DNMT3B: variants seen among roughly 807,000 people sequenced by gnomAD.
DNMT3B encodes DNA methyltransferase 3 beta.
In DNMT3B, 37 loss-of-function variants were observed where a neutral mutation model predicts 120.2. That is an observed-to-expected ratio of 0.31 (90% CI 0.24 to 0.40). The LOEUF is 0.40. Among genes scored for constraint, DNMT3B ranks in the 10% least tolerant of loss-of-function variants. The pLI is 1.00. For synonymous variants in DNMT3B, 412 were observed against 442.8 expected (o/e 0.93, Z 0.87); for missense variants, 878 against 1,137.3 (o/e 0.77, Z 3.28).
chr20:32,768,270 A>C (rs1373253968), intron 1 of DNMT3B, among the ~76,000 whole-genome samples: 2 of 134,388 alleles, frequency 1.5e-5, no homozygotes, highest in East Asian at 4.8e-4. Context: ...ATCTCGGCTC[A>C]CCACAACCCC....
At chr20:32,800,718 T>C in intron 17 of DNMT3B, 117 bp from the exon 18 acceptor site, 1 of 1,182,670 alleles carries the variant, frequency 8.5e-7, no homozygotes, top group East Asian at 2.3e-5. Context: ...GCCGTCAGCC[T>C]TCCTGGGATT....
chr20:32,762,541 G>T lies in DNMT3B; in HGVS notation c.-165G>T. The T allele has an allele frequency of 3.0e-6, 1 of 338,232 alleles. No homozygotes were observed. Among genetic ancestry groups the T allele is most frequent in the Non-Finnish European group, 6.1e-6 (1 of 164,206 alleles). 21.0% of individuals were successfully genotyped at this position (338,232 alleles called of 1,614,324 possible). A position where few individuals can be genotyped will look rare whatever the true frequency, so the allele number is the denominator to read the frequency against. The stretch of plus-strand genomic sequence containing the variant: ...AGCGGGCGGCAACGCTGCCCGGCCG[G>T]CAGCGCTGGGGTTAAGTGGCCCAAG... On this transcript the variant is annotated 5_prime_UTR_variant, in exon 1 of 23. Coordinates refer to ENST00000328111, the MANE Select transcript of DNMT3B (RefSeq NM_006892.4).
intron 1 of DNMT3B, chr20:32,779,979 G>C: frequency 8.5e-7 from 1 of 1,180,012 alleles, no homozygotes; most frequent in South Asian, 1.3e-5. Flanking sequence ...AGACGGGCCG[G>C]GACAGGCAGG....
intron 1 of DNMT3B, 128 bp from the exon 2 acceptor site, chr20:32,780,190 C>CAAGA: frequency 6.2e-7 from 1 of 1,612,912 alleles, no homozygotes; most frequent in Admixed American, 1.7e-5. Context: ...GGTACTTGGG[C>CAAGA]AAGAGCATCA....
In DNMT3B at chr20:32,774,729, C is replaced by T. The variant is rs940138288; in HGVS notation, c.-6-5589C>T. 5.5e-3 allele frequency among the ~76,000 whole-genome samples: 834 copies of T among 151,124 alleles called. 8 individuals are homozygous for T. The highest frequency in any genetic ancestry group is 0.019 in the African/African-American group (788 of 41,158). The stretch of plus-strand genomic sequence containing the variant: ...TGTCTTGTCTTGTCTTTTTTCTTTT[C>T]TATTTTGAGATGGAGTCTCCCCCTT... On this transcript the variant is annotated intron_variant, in intron 1 of 22. Coordinates refer to ENST00000328111, the MANE Select transcript of DNMT3B (RefSeq NM_006892.4).
intron 10 of DNMT3B, among the ~76,000 whole-genome samples, chr20:32,793,945 T>G (rs1980293750): frequency 6.6e-6 from 1 of 152,190 alleles, no homozygotes; most frequent in African/African-American, 2.4e-5. Context: ...ACCATGTCCA[T>G]TAAGATTTTC....
At chr20:32,788,016 C>G (rs1039011292) in intron 6 of DNMT3B, among the ~76,000 whole-genome samples, 9 of 152,134 alleles carry the variant, frequency 5.9e-5, no homozygotes, top group Admixed American at 3.3e-4. Flanking sequence ...AATGTCATCA[C>G]TTAAGGCAAG....
At chr20:32,792,250 C>A (rs1343272380) in intron 8 of DNMT3B, among the ~76,000 whole-genome samples, 1 of 152,100 alleles carries the variant, frequency 6.6e-6, no homozygotes, top group East Asian at 1.9e-4. Flanking sequence ...GGAGATAAAA[C>A]AAGAAATCTA....
At chr20:32,804,027 G>A (rs1313804752) in intron 20 of DNMT3B, among the ~76,000 whole-genome samples, 3 of 152,198 alleles carry the variant, frequency 2.0e-5, no homozygotes, top group Admixed American at 1.3e-4. Flanking sequence ...GCCATCCATA[G>A]AGAACACAGT....
In DNMT3B at chr20:32,787,310, A is replaced by G. The variant is rs2145949316; in HGVS notation, c.513A>G (p.Thr171=). Reference sequence around the variant, plus strand: ...GCTCTTACCTTACCATCGACCTCACAGACGACACAGAGGACACACATGGGA... The same window carrying G: ...GCTCTTACCTTACCATCGACCTCACGGACGACACAGAGGACACACATGGGA... ...PPSSYLTIDL[T]DDTEDTHGTP... Residue 171 remains threonine, a synonymous_variant, in exon 6 of 23, where the codon ACA becomes ACG. Coordinates refer to ENST00000328111, the MANE Select transcript of DNMT3B (RefSeq NM_006892.4). 6.2e-7 allele frequency: 1 copy of G among 1,614,094 alleles called. No individual in the cohort carries two copies. The highest frequency in any genetic ancestry group is 8.5e-7 in the Non-Finnish European group (1 of 1,179,958).
chr20:32,768,264 C>A (rs113401445), intron 1 of DNMT3B, among the ~76,000 whole-genome samples: 1 of 140,610 alleles, frequency 7.1e-6, no homozygotes, highest in Non-Finnish European at 1.5e-5. Context: ...GGCGGGATCT[C>A]GGCTCACCAC....
At chr20:32,787,483 A>T in intron 6 of DNMT3B, 32 bp downstream of exon 6, 1 of 1,602,214 alleles carries the variant, frequency 6.2e-7, no homozygotes. Flanking sequence ...GCCCAGGGTG[A>T]CTGAGGACCC....
intron 22 of DNMT3B, 143 bp from the exon 23 acceptor site, chr20:32,807,619 G>C: frequency 8.2e-7 from 1 of 1,225,284 alleles, no homozygotes; most frequent in Non-Finnish European, 1.2e-6. Context: ...TCTGAATTAA[G>C]GGCTCTGAAT....
chr20:32,791,847 C>T (rs148708480), intron 8 of DNMT3B, 139 bp downstream of exon 8: 2 of 862,184 alleles, frequency 2.3e-6, no homozygotes, highest in Admixed American at 2.0e-5. Flanking sequence ...GACAACATAA[C>T]ATGATGGCCA....
At chr20:32,792,849 GC>G in intron 9 of DNMT3B, 79 bp downstream of exon 9, 1 of 1,588,996 alleles carries the variant, frequency 6.3e-7, no homozygotes, top group Non-Finnish European at 8.6e-7. Flanking sequence ...CACCCCTGCT[GC>G]CCCACACCCC....
chr20:32,772,225 A>G lies in DNMT3B; in HGVS notation c.-6-8093A>G, dbSNP rs1014882866. On this transcript the variant is annotated intron_variant, in intron 1 of 22. Coordinates refer to ENST00000328111, the MANE Select transcript of DNMT3B (RefSeq NM_006892.4). Reference sequence around the variant, plus strand: ...TTGAACTGGGTGGTTTCTGAGCAGTAGAATCCTGTGTAACAGGATATAGAC... The same window carrying G: ...TTGAACTGGGTGGTTTCTGAGCAGTGGAATCCTGTGTAACAGGATATAGAC... Among the ~76,000 whole-genome samples, 10 of 152,254 alleles carry G rather than the reference A, an allele frequency of 6.6e-5. 1 individual carries two copies. The highest frequency in any genetic ancestry group is 2.4e-4 in the African/African-American group (10 of 41,468).
chr20:32,786,435 T>G lies in DNMT3B; in HGVS notation c.307-67T>G, dbSNP rs561849401. 1.9e-6 allele frequency: 3 copies of G among 1,611,412 alleles called. No individual in the cohort carries two copies. The African/African-American group carries it at 4.0e-5, about 21-fold the overall frequency. On this transcript the variant is annotated intron_variant, in intron 4 of 22. Transcript: ENST00000328111. ...CTTGGCCACCTGAAGGCCTAATCCT[T>G]CTGGCCCCGCCAGACCCCAGGCCTC...
chr20:32,799,537 C>T (rs936572221), intron 16 of DNMT3B, among the ~76,000 whole-genome samples: 20 of 151,926 alleles, frequency 1.3e-4, no homozygotes, highest in East Asian at 1.2e-3. Flanking sequence ...TTTATTTTTT[C>T]GAGATGGAGT....
Position 32,802,482 on chromosome 20 carries a change from C to T in DNMT3B, c.2231+12C>T. On this transcript the variant is annotated intron_variant, in intron 20 of 22. Coordinates refer to ENST00000328111, the MANE Select transcript of DNMT3B (RefSeq NM_006892.4). Reference sequence around the variant, plus strand: ...CCCGGGATGAACAGGTAACAAAGGGCTCTTAGTGGGTCAGGTAACAGCCAA... The same window carrying T: ...CCCGGGATGAACAGGTAACAAAGGGTTCTTAGTGGGTCAGGTAACAGCCAA... 6.2e-7 allele frequency: 1 copy of T among 1,613,822 alleles called. No individual in the cohort carries two copies. Among genetic ancestry groups the T allele is most frequent in the African/African-American group, 1.3e-5 (1 of 75,038 alleles).
Sources: allele counts gnomAD v4.1 joint callset (sites outside exome capture counted in the v4.1 genomes callset), GRCh38; gene constraint gnomAD v4.1.1; transcripts MANE v1.5; gene names NCBI Gene and HGNC (gene_info 2026-07-23, HGNC 2026-07-21).